The following TMEM132B variants were observed in gnomAD, a reference collection of about 807,000 sequenced individuals.
The protein encoded by TMEM132B is transmembrane protein 132B.
Under a neutral mutation model 90.8 loss-of-function variants are expected in TMEM132B, and 18 were observed. The observed-to-expected ratio is 0.20, with a 90% CI of 0.14 to 0.29. The LOEUF (loss-of-function observed/expected upper bound fraction) is 0.29. Among genes scored for constraint, TMEM132B ranks in the 10% least tolerant of loss-of-function variants. The pLI, the probability that TMEM132B is intolerant of heterozygous loss-of-function variation, is 1.00. For missense variants in TMEM132B, 1,096 were observed against 1,326.8 expected (o/e 0.83, Z 2.70); for synonymous variants, 504 against 523.3 (o/e 0.96, Z 0.50).
chr12:125,628,277 G>A (rs113818704), intron 5 of TMEM132B, among the ~76,000 whole-genome samples: 329 of 152,214 alleles, frequency 2.2e-3, no homozygotes, highest in Non-Finnish European at 4.0e-3. Flanking sequence ...GAGTGTACAA[G>A]GGTTCCCTTT....
chr12:125,550,141 C>T (rs1041459502), intron 4 of TMEM132B, among the ~76,000 whole-genome samples: 4 of 152,334 alleles, frequency 2.6e-5, no homozygotes, highest in African/African-American at 9.6e-5. Context: ...CCTGCAAGGG[C>T]CATCCAGTGA....
intron 1 of TMEM132B, among the ~76,000 whole-genome samples, chr12:125,263,894 G>C (rs1246957195): frequency 1.3e-5 from 2 of 152,124 alleles, no homozygotes; most frequent in Admixed American, 1.3e-4. Flanking sequence ...CATAGTCCTG[G>C]GTACTGGCTG....
At chr12:125,284,433 A>G (rs1393040565) in intron 1 of TMEM132B, among the ~76,000 whole-genome samples, 3 of 152,212 alleles carry the variant, frequency 2.0e-5, no homozygotes, top group African/African-American at 7.2e-5. Flanking sequence ...TGGACAGAAC[A>G]AAGACCCCGC....
At chr12:125,295,568 C>T (rs192814634) in intron 1 of TMEM132B, among the ~76,000 whole-genome samples, 14 of 147,380 alleles carry the variant, frequency 9.5e-5, no homozygotes, top group Non-Finnish European at 3.0e-5. Flanking sequence ...GAGACAGAGA[C>T]AGACAGACTT....
intron 1 of TMEM132B, among the ~76,000 whole-genome samples, chr12:125,314,375 G>GA (rs1876202928): frequency 6.6e-6 from 1 of 152,218 alleles, no homozygotes; most frequent in South Asian, 2.1e-4. Flanking sequence ...CAGCAGATGG[G>GA]AGGCTCTTTC....
At position 125,241,029 on chromosome 12, in the gene TMEM132B, G is replaced by C. The variant is rs184978678; in HGVS notation, c.67+54163G>C. 5.9e-5 allele frequency among the ~76,000 whole-genome samples: 9 copies of C among 152,308 alleles called. No homozygotes were observed. In the East Asian group the frequency reaches 1.5e-3, roughly 26 times the overall value. Reference sequence around the variant, plus strand: ...GGGCGAGTACCTCCTTTAAAACAACGATTCTTAACCCATTTCGTGCCACGG... The same window carrying C: ...GGGCGAGTACCTCCTTTAAAACAACCATTCTTAACCCATTTCGTGCCACGG... On this transcript the variant is annotated intron_variant, in intron 1 of 8. Transcript: ENST00000682704.
chr12:125,455,980 T>C (rs1411239406), intron 3 of TMEM132B, among the ~76,000 whole-genome samples: 3 of 152,186 alleles, frequency 2.0e-5, no homozygotes, highest in Non-Finnish European at 4.4e-5. Context: ...AGCCATGCTC[T>C]GTTGCAACTA....
At chr12:125,412,839 G>A (rs1263542798) in intron 2 of TMEM132B, among the ~76,000 whole-genome samples, 3 of 152,096 alleles carry the variant, frequency 2.0e-5, no homozygotes, top group Non-Finnish European at 4.4e-5. Flanking sequence ...TTTGTGGTTT[G>A]CATAAATTAA....
rs112842272 is a variant in TMEM132B at position 125,538,507 on chromosome 12, G to T, written c.1293+18882G>T. On this transcript the variant is annotated intron_variant, in intron 4 of 8. Transcript: ENST00000682704. ...ACAGTCACTTGGCCAGGGACCACTT[G>T]CATTTTCAGCAGGAATTCATTCTTG... Among the ~76,000 whole-genome samples, 351 of 152,314 alleles carry T rather than the reference G, an allele frequency of 2.3e-3. 1 individual carries two copies. Among genetic ancestry groups the T allele is most frequent in the African/African-American group, 8.0e-3 (333 of 41,558 alleles).
chr12:125,497,283 A>G (rs1431259475), intron 3 of TMEM132B, among the ~76,000 whole-genome samples: 2 of 152,246 alleles, frequency 1.3e-5, no homozygotes, highest in Non-Finnish European at 2.9e-5. Context: ...GATGCTCTCA[A>G]TTATTTTCAA....
At chr12:125,375,573 C>T (rs1039683481) in intron 2 of TMEM132B, among the ~76,000 whole-genome samples, 1 of 152,154 alleles carries the variant, frequency 6.6e-6, no homozygotes, top group Non-Finnish European at 1.5e-5. Context: ...AGCTACGTTA[C>T]GTAATTAGTG....
chr12:125,321,289 A>G (rs555960127), intron 1 of TMEM132B, among the ~76,000 whole-genome samples: 3 of 152,334 alleles, frequency 2.0e-5, no homozygotes, highest in African/African-American at 7.2e-5. Flanking sequence ...GACAGAAAAT[A>G]TCCCCAACAT....
chr12:125,619,331 TA>T (rs1886064420), intron 5 of TMEM132B, among the ~76,000 whole-genome samples: 1 of 68 alleles, frequency 0.015, no homozygotes, highest in African/African-American at 0.062. Flanking sequence ...CATTTATTTA[TA>T]TTTATTTATT....
rs555533173 is a variant in TMEM132B at position 125,251,746 on chromosome 12, A to G, written c.67+64880A>G. Among the ~76,000 whole-genome samples the G allele has an allele frequency of 6.6e-6, 1 of 152,308 alleles. No homozygotes were observed. The highest frequency in any genetic ancestry group is 2.1e-4 in the South Asian group (1 of 4,822). ...AGTTTATTGGTTCTGTTTGGGAGTA[A>G]CGAGCCCAGTGTTGCCAGAGCTGAT... On this transcript the variant is annotated intron_variant, in intron 1 of 8. Transcript: ENST00000682704. This position sits in a 1 kb window ranked among gnomAD's most constrained non-coding sequence, Gnocchi z 4.4.
intron 3 of TMEM132B, among the ~76,000 whole-genome samples, chr12:125,433,488 C>G (rs1243682202): frequency 6.7e-6 from 1 of 150,072 alleles, no homozygotes; most frequent in African/African-American, 2.5e-5. Context: ...TCAGTCTAGA[C>G]AATGATATTT....
intron 1 of TMEM132B, among the ~76,000 whole-genome samples, chr12:125,320,708 T>C (rs1407839700): frequency 6.6e-6 from 1 of 152,188 alleles, no homozygotes; most frequent in Non-Finnish European, 1.5e-5. Flanking sequence ...AAATGAATCA[T>C]GAGTCTGCTC....
chr12:125,554,726 C>T (rs1469686304), intron 4 of TMEM132B, among the ~76,000 whole-genome samples: 2 of 152,166 alleles, frequency 1.3e-5, no homozygotes, highest in Non-Finnish European at 2.9e-5. Context: ...GTTCACTGTC[C>T]TCACATTCTC....
At chr12:125,280,456 C>T (rs895157437) in intron 1 of TMEM132B, among the ~76,000 whole-genome samples, 7 of 152,226 alleles carry the variant, frequency 4.6e-5, no homozygotes, top group African/African-American at 1.7e-4. Context: ...GCTGGGATAA[C>T]GAAGCATGTC....
In TMEM132B at chr12:125,186,460, G is replaced by C. The variant is rs1406352512; in HGVS notation, c.-340G>C. Among the ~76,000 whole-genome samples the C allele has an allele frequency of 1.5e-4, 22 of 145,662 alleles. No individual in the cohort carries two copies. The highest frequency in any genetic ancestry group is 5.4e-4 in the African/African-American group (22 of 40,838). Reference sequence around the variant, plus strand: ...GGCGGCGGCGGCGGCGGCGCGACCGGGATGGGACGGGCGCTGGGGCGCAGG... The same window carrying C: ...GGCGGCGGCGGCGGCGGCGCGACCGCGATGGGACGGGCGCTGGGGCGCAGG... On this transcript the variant is annotated 5_prime_UTR_variant, in exon 1 of 9. Coordinates refer to ENST00000682704, the MANE Select transcript of TMEM132B (RefSeq NM_001366854.1). This position sits in a 1 kb window ranked among gnomAD's most constrained non-coding sequence, Gnocchi z 6.3.
Sources: allele counts gnomAD v4.1 joint callset (sites outside exome capture counted in the v4.1 genomes callset), GRCh38; gene constraint gnomAD v4.1.1; non-coding constraint Gnocchi (gnomAD v3.1); transcripts MANE v1.5; gene names NCBI Gene and HGNC (gene_info 2026-07-23, HGNC 2026-07-21).